Variants in SORCS2 observed in about 807,000 individuals in gnomAD.
SORCS2 encodes VPS10 domain-containing receptor SorCS2.
In SORCS2, 100 loss-of-function variants were observed where a neutral mutation model predicts 141.6. That is an observed-to-expected ratio of 0.71 (90% CI 0.60 to 0.83). The LOEUF (loss-of-function observed/expected upper bound fraction) is 0.83, where lower values mean the gene tolerates loss of function less well. SORCS2 is among the 40% of genes least tolerant of loss of function. The probability of loss-of-function intolerance (pLI) is 0.00; values close to 1 mark genes in which losing one functional copy is unlikely to be tolerated. For synonymous variants in SORCS2, 789 were observed against 676.9 expected, an observed-to-expected ratio of 1.17 and a Z score of -2.57; for missense variants, 1,646 against 1,560.2, an observed-to-expected ratio of 1.05 and a Z score of -0.93.
At chr4:7,687,063 T>C (rs1052265863) in intron 10 of SORCS2, among the ~76,000 whole-genome samples, 1 of 152,194 alleles carries the variant, frequency 6.6e-6, no homozygotes, top group Admixed American at 6.5e-5. Context: ...CTAACCACTG[T>C]GCACGCAGCA....
At chr4:7,319,996 T>C (rs1215167557) in intron 1 of SORCS2, among the ~76,000 whole-genome samples, 7 of 152,112 alleles carry the variant, frequency 4.6e-5, no homozygotes, top group Non-Finnish European at 8.8e-5. Flanking sequence ...ATATTCAGTG[T>C]ACTCTTTTTT....
chr4:7,356,268 T>G (rs1560214845), intron 1 of SORCS2, among the ~76,000 whole-genome samples: 2 of 152,272 alleles, frequency 1.3e-5, no homozygotes, highest in Non-Finnish European at 2.9e-5. Context: ...TCGGTTTGTT[T>G]TCTGTCTTGG....
At chr4:7,389,719 G>T (rs1422423584) in intron 1 of SORCS2, among the ~76,000 whole-genome samples, 1 of 152,174 alleles carries the variant, frequency 6.6e-6, no homozygotes, top group African/African-American at 2.4e-5. Flanking sequence ...AGGCAGTGGA[G>T]AAGTGAGAAA....
In SORCS2 at chr4:7,740,419, AGCCCGCCCAGGCCCACGGGGG is replaced by A; in HGVS notation, c.*160_*180del. ...GGCACCACCCCCTCTGATAAATCCA[AGCCCGCCCAGGCCCACGGGGG>A]GCCCACGGGACCCCCCGGGACTCCC... On this transcript the variant is annotated 3_prime_UTR_variant, in exon 27 of 27. Transcript: ENST00000507866. 1.5e-6 allele frequency: 1 copy of A among 676,914 alleles called. No homozygotes were observed. The allele number at this position is 676,914 out of a possible 1,614,324, so 41.9% of individuals were successfully genotyped here. A position where few individuals can be genotyped will look rare whatever the true frequency, so the allele number is the denominator to read the frequency against.
rs148501945 is a variant in SORCS2 at position 7,590,165 on chromosome 4, T to C, written c.649-48163T>C. Among the ~76,000 whole-genome samples, 24 of 152,352 alleles carry C rather than the reference T, an allele frequency of 1.6e-4. No homozygotes were observed. In the East Asian group the frequency reaches 4.6e-3, roughly 29 times the overall value. ...CCCTGCCAGGGTACTGCCTTGTTTA[T>C]GAAGAAGAAACAGTAAACTGAAAAC... On this transcript the variant is annotated intron_variant, in intron 3 of 26. Coordinates refer to ENST00000507866, the MANE Select transcript of SORCS2 (RefSeq NM_020777.3).
At chr4:7,332,031 C>T (rs1180691345) in intron 1 of SORCS2, among the ~76,000 whole-genome samples, 1 of 152,210 alleles carries the variant, frequency 6.6e-6, no homozygotes, top group Non-Finnish European at 1.5e-5. Flanking sequence ...AGGGGTACAG[C>T]TTGTTAATGG....
In SORCS2 at chr4:7,193,243, T is replaced by C. The variant is rs1726959120; in HGVS notation, c.480+117T>C. 7.9e-7 allele frequency: 1 copy of C among 1,261,954 alleles called. No homozygotes were observed. The highest frequency in any genetic ancestry group is 1.6e-5 in the African/African-American group (1 of 64,188). The allele number at this position is 1,261,954 out of a possible 1,614,324, so 78.2% of individuals were successfully genotyped here. ...ACTATGGTCATCAGGGGCGGGTTCT[T>C]GGCGACTTGGGCACTTGGGTCACCT... On this transcript the variant is annotated intron_variant, in intron 1 of 26. Transcript: ENST00000507866. The surrounding 1 kb of genome is among the most constrained non-coding windows in gnomAD (Gnocchi z 4.8).
intron 14 of SORCS2, among the ~76,000 whole-genome samples, chr4:7,709,634 G>T (rs1438582955): frequency 6.6e-6 from 1 of 152,198 alleles, no homozygotes; most frequent in Non-Finnish European, 1.5e-5. Context: ...CCTCTGCAGG[G>T]GTCTGTACGG....
intron 2 of SORCS2, among the ~76,000 whole-genome samples, chr4:7,401,642 C>T (rs1351493778): frequency 6.6e-6 from 1 of 152,140 alleles, no homozygotes; most frequent in African/African-American, 2.4e-5. Flanking sequence ...GGCTGTTGGG[C>T]AGAGTGGATT....
chr4:7,724,775 GTGATGGTGCTGGTGAGGA>G (rs1727030144), intron 19 of SORCS2, among the ~76,000 whole-genome samples: 1 of 126,124 alleles, frequency 7.9e-6, no homozygotes, highest in Non-Finnish European at 1.6e-5. Flanking sequence ...GATGATGGTG[GTGATGGTGCTGGTGAGGA>G]TGGTGATGGT....
chr4:7,476,582 A>G (rs1234129862), intron 2 of SORCS2, among the ~76,000 whole-genome samples: 1 of 152,168 alleles, frequency 6.6e-6, no homozygotes, highest in Non-Finnish European at 1.5e-5. Flanking sequence ...TTCTCTGCCA[A>G]TAAAGGTGAC....
intron 1 of SORCS2, among the ~76,000 whole-genome samples, chr4:7,311,962 G>A (rs917116948): frequency 2.3e-4 from 35 of 152,096 alleles, no homozygotes; most frequent in African/African-American, 8.2e-4. Flanking sequence ...TGCAATTGGC[G>A]CCTCCTGGGT....
chr4:7,724,186 ACTGG>A (rs1726842688), intron 19 of SORCS2, among the ~76,000 whole-genome samples: 1 of 119,872 alleles, frequency 8.3e-6, no homozygotes, highest in Non-Finnish European at 1.6e-5. Flanking sequence ...TGATAGCAGT[ACTGG>A]TGGTGGTGGT....
intron 2 of SORCS2, among the ~76,000 whole-genome samples, chr4:7,405,848 G>T (rs1724936006): frequency 6.6e-6 from 1 of 151,886 alleles, no homozygotes; most frequent in African/African-American, 2.4e-5. Context: ...TTGGCTGATT[G>T]CTGTGGCCAA....
At chr4:7,729,796 G>C (rs1458726019) in intron 23 of SORCS2, 84 bp downstream of exon 23, 2 of 1,523,014 alleles carry the variant, frequency 1.3e-6, no homozygotes, top group Middle Eastern at 1.7e-4. Context: ...GGACGTCTCA[G>C]TGGCTCATGG....
At chr4:7,297,599 G>A (rs1717163707) in intron 1 of SORCS2, among the ~76,000 whole-genome samples, 1 of 152,202 alleles carries the variant, frequency 6.6e-6, no homozygotes, top group East Asian at 1.9e-4. Context: ...CTCCCTTCCT[G>A]TCCCCGAGTT....
At chr4:7,661,340 G>T (rs537419400) in intron 5 of SORCS2, among the ~76,000 whole-genome samples, 160 bp from the exon 6 acceptor site, 1 of 148,726 alleles carries the variant, frequency 6.7e-6, no homozygotes, top group African/African-American at 2.5e-5. Context: ...AGCACCTCAG[G>T]AGCAGGTGGG....
intron 1 of SORCS2, among the ~76,000 whole-genome samples, chr4:7,374,967 T>C (rs3864210): frequency 0.7 from 106,176 of 152,076 alleles, 37,370 homozygotes; most frequent in East Asian, 0.94. Flanking sequence ...GGATTTTGTT[T>C]CAGGCAAATT....
At chr4:7,444,260 A>G (rs1727857561) in intron 2 of SORCS2, among the ~76,000 whole-genome samples, 1 of 152,238 alleles carries the variant, frequency 6.6e-6, no homozygotes, top group Non-Finnish European at 1.5e-5. Flanking sequence ...CTTGGAACTT[A>G]TATTCTAGCG....
Sources: allele counts gnomAD v4.1 joint callset (sites outside exome capture counted in the v4.1 genomes callset), GRCh38; gene constraint gnomAD v4.1.1; non-coding constraint Gnocchi (gnomAD v3.1); transcripts MANE v1.5; gene names NCBI Gene and HGNC (gene_info 2026-07-23, HGNC 2026-07-21).